Variants in RTN4 observed in about 807,000 individuals in gnomAD.
RTN4 encodes the protein reticulon-4.
In RTN4, 32 loss-of-function variants were observed where a neutral mutation model predicts 90.4. The observed-to-expected ratio is 0.35, with a 90% CI of 0.27 to 0.48. The LOEUF (loss-of-function observed/expected upper bound fraction) is 0.48. RTN4 is among the 20% of genes least tolerant of loss of function. The probability of loss-of-function intolerance (pLI) is 0.99; values close to 1 mark genes in which losing one functional copy is unlikely to be tolerated. For missense variants in RTN4, 1,706 were observed against 1,430.2 expected (o/e 1.19, Z -3.11); for synonymous variants, 629 against 552.5 (o/e 1.14, Z -1.94).
At chr2:55,072,469 T>C (rs555302500) in intron 2 of RTN4, among the ~76,000 whole-genome samples, 202 of 152,330 alleles carry the variant, frequency 1.3e-3, no homozygotes, top group African/African-American at 4.7e-3. Context: ...GACCTCGTGA[T>C]CCGCCTGCCT....
Position 55,050,304 on chromosome 2 carries a change from T to TGGAGGGTG in RTN4, c.-12_-5dup. 2 of 1,416,570 alleles carry TGGAGGGTG rather than the reference T, an allele frequency of 1.4e-6. No individual in the cohort carries two copies. Among genetic ancestry groups the TGGAGGGTG allele is most frequent in the Non-Finnish European group, 1.8e-6 (2 of 1,084,742 alleles). 87.8% of individuals were successfully genotyped at this position (1,416,570 alleles called of 1,614,324 possible). On this transcript the variant is annotated 5_prime_UTR_variant, in exon 1 of 9. Transcript: ENST00000337526. This position sits in a 1 kb window ranked among gnomAD's most constrained non-coding sequence, Gnocchi z 4.6. ...GAGACTGGTCCAGGTCTTCCATGGCTGGAGGGTGGAGATGATGCTGCAGCT... is the reference window on the plus strand; with the variant it reads ...GAGACTGGTCCAGGTCTTCCATGGCTGGAGGGTGGGAGGGTGGAGATGATGCTGCAGCT...
In RTN4 at chr2:55,049,920, T is replaced by G; in HGVS notation, c.381A>C (p.Ala127=). The change falls in exon 1 of 9, where the codon GCA becomes GCC. Residue 127 remains alanine (A), a synonymous_variant. Transcript: ENST00000337526. The part of the protein sequence containing the change: ...VPAPSPLSAA[A]VSPSKLPEDD... ...CCTCAGGGAGCTTGGAGGGCGAGAC[T>G]GCGGCAGCAGACAGCGGGGATGGCG... 7.5e-7 allele frequency: 1 copy of G among 1,334,948 alleles called. No individual in the cohort carries two copies. Among genetic ancestry groups the G allele is most frequent in the Non-Finnish European group, 9.5e-7 (1 of 1,048,596 alleles). 82.7% of individuals were successfully genotyped at this position (1,334,948 alleles called of 1,614,324 possible).
At chr2:55,062,856 C>G (rs1041065468) in intron 2 of RTN4, among the ~76,000 whole-genome samples, 2 of 152,174 alleles carry the variant, frequency 1.3e-5, no homozygotes, top group African/African-American at 4.8e-5. Context: ...CTAAGGAACC[C>G]TCAATTTTTA....
At chr2:55,034,723 T>C (rs1335666109) in intron 1 of RTN4, among the ~76,000 whole-genome samples, 1 of 152,178 alleles carries the variant, frequency 6.6e-6, no homozygotes, top group Non-Finnish European at 1.5e-5. Flanking sequence ...ATGTAGATGT[T>C]GAATATACAG....
intron 3 of RTN4, among the ~76,000 whole-genome samples, chr2:54,998,013 CTACT>C (rs1408278165): frequency 6.6e-6 from 1 of 152,092 alleles, no homozygotes; most frequent in Non-Finnish European, 1.5e-5. Flanking sequence ...AAGGGGGAAA[CTACT>C]GTACTGATAC....
upstream of RTN4, among the ~76,000 whole-genome samples, chr2:55,052,584 T>C (rs1175930539): frequency 6.6e-6 from 1 of 152,138 alleles, no homozygotes; most frequent in Non-Finnish European, 1.5e-5. Flanking sequence ...GGAAGAGAGA[T>C]GTATTGATGT....
intron 1 of RTN4, among the ~76,000 whole-genome samples, chr2:55,045,257 T>A (rs1414719124): frequency 6.6e-6 from 1 of 152,232 alleles, no homozygotes; most frequent in African/African-American, 2.4e-5. Context: ...TAAGCACTAA[T>A]ATTCTTTTCT....
In RTN4 at chr2:55,050,123, C is replaced by G. The variant is rs747022995; in HGVS notation, c.178G>C (p.Ala60Pro). ...ACTGGGGCCGCGGACAGCCCGGCGGCGGGCTTCCTCTCCAGCACCTCCAGC... is the reference window on the plus strand; with the variant it reads ...ACTGGGGCCGCGGACAGCCCGGCGGGGGGCTTCCTCTCCAGCACCTCCAGC... ...EELEVLERKPAAGLSAAPVPT... is the reference protein window; with the variant it reads ...EELEVLERKPPAGLSAAPVPT... The change falls in exon 1 of 9, where the codon GCC becomes CCC. Residue 60 changes from alanine (A) to proline (P), a missense_variant. Transcript: ENST00000337526. The surrounding 1 kb of genome is among the most constrained non-coding windows in gnomAD (Gnocchi z 4.6). 1 of 1,511,764 alleles carries G rather than the reference C, an allele frequency of 6.6e-7. No individual in the cohort carries two copies. Among genetic ancestry groups the G allele is most frequent in the Non-Finnish European group, 8.8e-7 (1 of 1,135,810 alleles). 93.6% of individuals were successfully genotyped at this position (1,511,764 alleles called of 1,614,324 possible). A position where few individuals can be genotyped will look rare whatever the true frequency, so the allele number is the denominator to read the frequency against.
At chr2:55,074,464 T>C (rs1040181634) in intron 2 of RTN4, among the ~76,000 whole-genome samples, 16 of 149,836 alleles carry the variant, frequency 1.1e-4, no homozygotes, top group African/African-American at 4.0e-4. Flanking sequence ...GATCACACCA[T>C]TGCACTCCAG....
At chr2:55,084,787 G>C (rs554967381) in intron 1 of RTN4, among the ~76,000 whole-genome samples, 1 of 152,214 alleles carries the variant, frequency 6.6e-6, no homozygotes, top group East Asian at 1.9e-4. Context: ...AGAAACATCT[G>C]TGTTGTTGCT....
chr2:55,089,424 G>C (rs868324465), intron 1 of RTN4, among the ~76,000 whole-genome samples: 1 of 152,110 alleles, frequency 6.6e-6, no homozygotes, highest in Non-Finnish European at 1.5e-5. Flanking sequence ...CTGGTTTGAG[G>C]CCACCCTCCT....
rs796709247 is a variant in RTN4, at chr2:54,981,278, T to G, written c.3360+1237A>C. Among the ~76,000 whole-genome samples, 561 of 143,002 alleles carry G rather than the reference T, an allele frequency of 3.9e-3. 3 individuals carry two copies. The highest frequency in any genetic ancestry group is 0.014 in the African/African-American group (531 of 38,094). The allele number at this position is 143,002 out of a possible 152,430, so 93.8% of individuals were successfully genotyped here. The stretch of plus-strand genomic sequence containing the variant: ...CTACTAGGTTATAAAGGCTAAAATG[T>G]TTTTGTTTTTTTTTTTTAAAAAGCA... On this transcript the variant is annotated intron_variant, in intron 5 of 8. Coordinates refer to ENST00000337526, the MANE Select transcript of RTN4 (RefSeq NM_020532.5).
rs1171828163 is a variant in RTN4, at chr2:55,049,767, G to A, written c.534C>T (p.Arg178=). 7.5e-7 allele frequency: 1 copy of A among 1,329,960 alleles called. No homozygotes were observed. Among genetic ancestry groups the A allele is most frequent in the Non-Finnish European group, 9.6e-7 (1 of 1,041,564 alleles). 82.4% of individuals were successfully genotyped at this position (1,329,960 alleles called of 1,614,324 possible). A position where few individuals can be genotyped will look rare whatever the true frequency, so the allele number is the denominator to read the frequency against. The stretch of plus-strand genomic sequence containing the variant: ...CACCCACTGAGCCCGAGGAGCCCCT[G>A]CGCTTGGGCGCGGCCGGGGTGGAGG... ...APPSTPAAPK[R]RGSSGSVDET... is the part of the protein sequence containing the mutation. Residue 178 remains arginine, a synonymous_variant, in exon 1 of 9, where the codon CGC becomes CGT. Coordinates refer to ENST00000337526, the MANE Select transcript of RTN4 (RefSeq NM_020532.5).
At chr2:55,048,020 T>C (rs1334638580) in intron 1 of RTN4, among the ~76,000 whole-genome samples, 1 of 152,218 alleles carries the variant, frequency 6.6e-6, no homozygotes, top group Non-Finnish European at 1.5e-5. Flanking sequence ...ACCTAGATGG[T>C]AGAGCCTACT....
intron 2 of RTN4, among the ~76,000 whole-genome samples, chr2:55,071,056 G>A (rs1281764187): frequency 1.3e-4 from 20 of 149,988 alleles, no homozygotes; most frequent in Admixed American, 1.0e-3. Context: ...GATTACAGGC[G>A]TGAGCCACCT....
chr2:55,133,039 G>A, the RTN4 span, among the ~76,000 whole-genome samples: 1 of 145,940 alleles, frequency 6.9e-6, no homozygotes, highest in Non-Finnish European at 1.5e-5. Context: ...TGATGAAACC[G>A]TGTCTCTACT....
rs191716102 is a variant in RTN4 at position 55,044,341 on chromosome 2, T to C, written c.556+5404A>G. Among the ~76,000 whole-genome samples the C allele has an allele frequency of 3.0e-3, 455 of 151,566 alleles. 2 individuals carry two copies. Among genetic ancestry groups the C allele is most frequent in the Non-Finnish European group, 4.6e-3 (314 of 67,838 alleles). ...AGGAGGTCAAGGGTATAGTGAGCCATAATCATGCCACTGCACTCCAGCCTG... is the reference window on the plus strand; with the variant it reads ...AGGAGGTCAAGGGTATAGTGAGCCACAATCATGCCACTGCACTCCAGCCTG... On this transcript the variant is annotated intron_variant, in intron 1 of 8. Coordinates refer to ENST00000337526, the MANE Select transcript of RTN4 (RefSeq NM_020532.5).
At chr2:55,068,678 A>AG (rs753135042) in intron 2 of RTN4, among the ~76,000 whole-genome samples, 4,683 of 50,126 alleles carry the variant, frequency 0.093, 189 homozygotes, top group East Asian at 0.34. Context: ...ACAAAAAAAA[A>AG]GGGGGGGGGG....
chr2:55,044,785 T>TAAAAAAACAAA (rs1683306997), intron 1 of RTN4, among the ~76,000 whole-genome samples: 2 of 65,644 alleles, frequency 3.0e-5, no homozygotes, highest in Non-Finnish European at 5.2e-5. Context: ...TGCAAATCAC[T>TAAAAAAACAAA]AAAAAAAAAA....
Sources: allele counts gnomAD v4.1 joint callset (sites outside exome capture counted in the v4.1 genomes callset), GRCh38; gene constraint gnomAD v4.1.1; non-coding constraint Gnocchi (gnomAD v3.1); transcripts MANE v1.5; gene names NCBI Gene and HGNC (gene_info 2026-07-23, HGNC 2026-07-21).